Variants in PPP2R2B observed in about 807,000 individuals in gnomAD.
PPP2R2B encodes the protein protein phosphatase 2 regulatory subunit Bbeta, also known as serine/threonine-protein phosphatase 2A 55 kDa regulatory subunit B beta isoform.
PPP2R2B carries 5 observed loss-of-function variants against 46.0 expected under a neutral mutation model. That is an observed-to-expected ratio of 0.11 (90% confidence interval 0.06 to 0.23). The LOEUF (loss-of-function observed/expected upper bound fraction) is 0.23, where lower values mean the gene tolerates loss of function less well. PPP2R2B is among the 10% of genes least tolerant of loss of function. The probability of loss-of-function intolerance (pLI) is 1.00; values close to 1 mark genes in which losing one functional copy is unlikely to be tolerated. For synonymous variants in PPP2R2B, 215 were observed against 206.7 expected, an observed-to-expected ratio of 1.04 and a Z score of -0.34; for missense variants, 367 against 575.0, an observed-to-expected ratio of 0.64 and a Z score of 3.70.
chr5:146,914,940 A>T (rs1304584870), intron 1 of PPP2R2B, among the ~76,000 whole-genome samples: 3 of 152,194 alleles, frequency 2.0e-5, no homozygotes, highest in African/African-American at 7.2e-5. Flanking sequence ...TGGCTTCCAA[A>T]AAGGTCATTT....
chr5:146,779,620 T>C (rs1755389305), intron 2 of PPP2R2B, among the ~76,000 whole-genome samples: 1 of 152,170 alleles, frequency 6.6e-6, no homozygotes, highest in Non-Finnish European at 1.5e-5. Context: ...CAACAGTCTA[T>C]TACAACTATG....
intron 7 of PPP2R2B, among the ~76,000 whole-genome samples, chr5:146,629,900 G>A (rs551088940): frequency 3.9e-5 from 6 of 152,152 alleles, no homozygotes; most frequent in African/African-American, 1.4e-4. Context: ...TGCAACCTCT[G>A]CCTCCCAGGT....
At chr5:147,037,673 C>T (rs749043658) in intron 1 of PPP2R2B, among the ~76,000 whole-genome samples, 5 of 152,024 alleles carry the variant, frequency 3.3e-5, no homozygotes, top group Non-Finnish European at 5.9e-5. Context: ...TACTGAAAAC[C>T]ACCAATACCC....
intron 2 of PPP2R2B, chr5:146,856,445 C>T (rs1760671337): frequency 7.2e-7 from 1 of 1,384,572 alleles, no homozygotes; most frequent in Non-Finnish European, 1.0e-6. Flanking sequence ...CTATTTAACA[C>T]TTCTATACTG....
chr5:146,798,782 G>A (rs1158177093), intron 2 of PPP2R2B, among the ~76,000 whole-genome samples: 2 of 152,054 alleles, frequency 1.3e-5, no homozygotes, highest in African/African-American at 4.8e-5. Flanking sequence ...ATTATAGAAG[G>A]GAATTGTAGC....
At chr5:146,992,694 T>C (rs533413703) in intron 1 of PPP2R2B, among the ~76,000 whole-genome samples, 299 of 152,284 alleles carry the variant, frequency 2.0e-3, no homozygotes, top group Non-Finnish European at 3.0e-3. Flanking sequence ...ACAACATAGT[T>C]GGGATAAAGT....
chr5:147,042,082 G>A (rs1474047716), intron 1 of PPP2R2B, among the ~76,000 whole-genome samples: 6 of 152,130 alleles, frequency 3.9e-5, no homozygotes, highest in African/African-American at 1.4e-4. Context: ...GAATTCGTCC[G>A]ATTGATAACG....
intron 1 of PPP2R2B, among the ~76,000 whole-genome samples, chr5:146,974,749 T>G (rs1752821094): frequency 2.6e-5 from 4 of 151,154 alleles, no homozygotes; most frequent in Admixed American, 2.0e-4. Context: ...GAGTGCAGTG[T>G]AGCAATCTCA....
chr5:146,986,548 G>A (rs979447938), intron 1 of PPP2R2B, among the ~76,000 whole-genome samples: 1 of 152,120 alleles, frequency 6.6e-6, no homozygotes, highest in African/African-American at 2.4e-5. Flanking sequence ...ATTTATCAGA[G>A]AAATTTATCA....
At chr5:147,080,622 G>A (rs192970208) in intron 2 of PPP2R2B, among the ~76,000 whole-genome samples, 2 of 152,284 alleles carry the variant, frequency 1.3e-5, no homozygotes, top group Non-Finnish European at 2.9e-5. Context: ...CTAAGATTGG[G>A]ATTCAATGTT....
intron 1 of PPP2R2B, among the ~76,000 whole-genome samples, chr5:147,053,052 CTA>C (rs1676061430): frequency 6.6e-6 from 1 of 151,818 alleles, no homozygotes; most frequent in African/African-American, 2.4e-5. Context: ...TATCACCCTG[CTA>C]TGTCATTTTG....
chr5:146,775,533 A>T (rs563737780), intron 2 of PPP2R2B, among the ~76,000 whole-genome samples: 1 of 152,278 alleles, frequency 6.6e-6, no homozygotes, highest in Non-Finnish European at 1.5e-5. Flanking sequence ...GATTAGGAAC[A>T]AGACAAAGAT....
upstream of PPP2R2B, among the ~76,000 whole-genome samples, chr5:147,060,950 C>A (rs760014415): frequency 1.3e-5 from 2 of 152,090 alleles, no homozygotes; most frequent in Non-Finnish European, 2.9e-5. Flanking sequence ...TTGAGTTGAA[C>A]TGAATAAAGA....
chr5:147,081,203 A>G, intron 1 of PPP2R2B: 1 of 1,535,502 alleles, frequency 6.5e-7, no homozygotes, highest in Non-Finnish European at 8.7e-7. Flanking sequence ...AGAGACCAAC[A>G]AGAAAAGAAA....
intron 1 of PPP2R2B, among the ~76,000 whole-genome samples, chr5:147,006,367 T>C (rs751963368): frequency 6.6e-6 from 1 of 152,188 alleles, no homozygotes; most frequent in Non-Finnish European, 1.5e-5. Context: ...AAAGAATAAT[T>C]GGAATCCCAA....
chr5:146,896,779 C>A (rs144842938), intron 1 of PPP2R2B, among the ~76,000 whole-genome samples: 37 of 151,624 alleles, frequency 2.4e-4, no homozygotes, highest in Non-Finnish European at 4.9e-4. Context: ...GATTTAAAGG[C>A]GTTAGTGGGG....
intron 2 of PPP2R2B, among the ~76,000 whole-genome samples, chr5:146,815,132 T>C (rs79741093): frequency 0.026 from 3,896 of 152,330 alleles, 158 homozygotes; most frequent in African/African-American, 0.089. Context: ...CTGAAGGATG[T>C]GCATGCTGGC....
At chr5:147,044,281 G>A (rs1221369274) in intron 1 of PPP2R2B, among the ~76,000 whole-genome samples, 2 of 152,090 alleles carry the variant, frequency 1.3e-5, no homozygotes, top group African/African-American at 4.8e-5. Context: ...ACTTGGCATT[G>A]TCCAGAAGTA....
chr5:146,991,099 G>A (rs920708122), intron 1 of PPP2R2B, among the ~76,000 whole-genome samples: 5 of 151,944 alleles, frequency 3.3e-5, no homozygotes, highest in African/African-American at 9.7e-5. Flanking sequence ...ACAGACAAAA[G>A]GGAATTCTTG....
Sources: allele counts gnomAD v4.1 joint callset (sites outside exome capture counted in the v4.1 genomes callset), GRCh38; gene constraint gnomAD v4.1.1; transcripts MANE v1.5; gene names NCBI Gene and HGNC (gene_info 2026-07-23, HGNC 2026-07-21).